Variants in ADAM10 observed in about 807,000 individuals in gnomAD.
ADAM10 encodes the protein ADAM metallopeptidase domain 10, also known as disintegrin and metalloproteinase domain-containing protein 10.
A neutral mutation model predicts 90.1 loss-of-function variants in ADAM10; 17 were observed. The ratio of observed to expected loss-of-function variants is 0.19; its 90% CI spans 0.13 to 0.28. The LOEUF (loss-of-function observed/expected upper bound fraction) is 0.28. Among genes scored for constraint, ADAM10 ranks in the 10% least tolerant of loss-of-function variants. ADAM10 has a pLI of 1.00. For missense variants in ADAM10, 610 were observed against 914.3 expected, an observed-to-expected ratio of 0.67 and a Z score of 4.29; for synonymous variants, 310 against 298.6, an observed-to-expected ratio of 1.04 and a Z score of -0.40.
At chr15:58,682,007 C>G (rs1897455156) in intron 3 of ADAM10, among the ~76,000 whole-genome samples, 189 bp downstream of exon 3, 2 of 152,114 alleles carry the variant, frequency 1.3e-5, no homozygotes, top group Admixed American at 1.3e-4. Context: ...TCATAATTCA[C>G]TATTAAACAT....
chr15:58,717,441 A>G, intron 2 of ADAM10, 136 bp downstream of exon 2: 2 of 1,085,614 alleles, frequency 1.8e-6, no homozygotes, highest in Non-Finnish European at 2.7e-6. Context: ...TAATGCATAT[A>G]CCAAATTCCA....
intron 1 of ADAM10, among the ~76,000 whole-genome samples, chr15:58,730,539 T>G (rs1220881792): frequency 6.6e-6 from 1 of 152,240 alleles, no homozygotes; most frequent in Non-Finnish European, 1.5e-5. Flanking sequence ...GGTAAGTCAC[T>G]TAAACACTTA....
In ADAM10 at chr15:58,651,368, T is replaced by G. The variant is rs538336474; in HGVS notation, c.586-5164A>C. Among the ~76,000 whole-genome samples, 80 of 152,290 alleles carry G rather than the reference T, an allele frequency of 5.3e-4. 3 individuals carry two copies. In the Middle Eastern group the frequency reaches 0.014, roughly 26 times the overall value. ...CTTATTCATTCTTTCTAACATGTTT[T>G]TGTGCCCGTTAACCATCCCCACTTC... is the stretch of plus-strand genomic sequence containing the variant. On this transcript the variant is annotated intron_variant, in intron 5 of 15. Coordinates refer to ENST00000260408, the MANE Select transcript of ADAM10 (RefSeq NM_001110.4).
chr15:58,596,011 G>A lies in ADAM10; in HGVS notation c.*1536C>T, dbSNP rs949772298. ...TACAAGTTTACAAGGAAGAGATCCC[G>A]TTATTTTCTCTAGCATTTTTGGCCT... is the stretch of plus-strand genomic sequence containing the variant. On this transcript the variant is annotated 3_prime_UTR_variant, in exon 16 of 16. Transcript: ENST00000260408. 4.0e-5 allele frequency: 6 copies of A among 150,660 alleles called. No individual in the cohort carries two copies. Among genetic ancestry groups the A allele is most frequent in the South Asian group, 4.2e-4 (2 of 4,788 alleles). The allele number at this position is 150,660 out of a possible 1,614,324, so 9.3% of individuals were successfully genotyped here. A position where few individuals can be genotyped will look rare whatever the true frequency, so the allele number is the denominator to read the frequency against.
At position 58,678,910 on chromosome 15, in the gene ADAM10, A is replaced by G. The variant is rs529252567; in HGVS notation, c.484+214T>C. On this transcript the variant is annotated intron_variant, in intron 4 of 15. Coordinates refer to ENST00000260408, the MANE Select transcript of ADAM10 (RefSeq NM_001110.4). ...CAGTTCAAACAGAATTAGTTATGTC[A>G]TATCAGCAAAGTAGTACTGGCAATG... Among the ~76,000 whole-genome samples the G allele has an allele frequency of 5.9e-5, 9 of 152,332 alleles. No individual in the cohort carries two copies. In the South Asian group the frequency reaches 1.7e-3, roughly 28 times the overall value.
chr15:58,735,282 T>G lies in ADAM10; in HGVS notation c.55+14198A>C, dbSNP rs571835490. Among the ~76,000 whole-genome samples, 13 of 152,296 alleles carry G rather than the reference T, an allele frequency of 8.5e-5. No individual in the cohort carries two copies. In the East Asian group the frequency reaches 2.3e-3, roughly 27 times the overall value. ...CTGATCCTTACTACTTGCTAGACTC[T>G]CCCAGTCCAGGTTCTTTCATCACTA... On this transcript the variant is annotated intron_variant, in intron 1 of 15. Transcript: ENST00000260408.
At chr15:58,607,396 G>A (rs1895307978) in intron 14 of ADAM10, among the ~76,000 whole-genome samples, 1 of 152,224 alleles carries the variant, frequency 6.6e-6, no homozygotes, top group Non-Finnish European at 1.5e-5. Context: ...CTAGGGTTAG[G>A]TAAGTTTGGA....
At chr15:58,747,702 C>G (rs1899836317) in intron 1 of ADAM10, 1 of 151,994 alleles carries the variant, frequency 6.6e-6, no homozygotes, top group South Asian at 2.1e-4. Flanking sequence ...AAAAATTAGC[C>G]TTTTAACCAA....
chr15:58,713,456 G>A (rs1345583395), intron 2 of ADAM10, among the ~76,000 whole-genome samples: 17 of 152,136 alleles, frequency 1.1e-4, no homozygotes, highest in African/African-American at 2.9e-4. Context: ...TCAAAAAGAT[G>A]AGTAAGATTC....
At chr15:58,602,408 T>C (rs1895135822) in intron 14 of ADAM10, among the ~76,000 whole-genome samples, 1 of 152,106 alleles carries the variant, frequency 6.6e-6, no homozygotes, top group Non-Finnish European at 1.5e-5. Flanking sequence ...CTCACCCTGC[T>C]TGGGCTCTGA....
At chr15:58,686,465 T>G in intron 2 of ADAM10, 1 of 1,395,642 alleles carries the variant, frequency 7.2e-7, no homozygotes, top group South Asian at 1.2e-5. Flanking sequence ...GCAGCTCAAG[T>G]TGGAGGCTGG....
At chr15:58,741,995 G>A (rs984687922) in intron 1 of ADAM10, among the ~76,000 whole-genome samples, 3 of 152,028 alleles carry the variant, frequency 2.0e-5, no homozygotes, top group East Asian at 3.9e-4. Context: ...AGCCTTCCCC[G>A]CTTGCTGATG....
intron 2 of ADAM10, among the ~76,000 whole-genome samples, chr15:58,687,660 T>TA (rs34341594): frequency 1.8e-4 from 27 of 149,938 alleles, no homozygotes; most frequent in East Asian, 5.9e-4. Flanking sequence ...CCATACTTTT[T>TA]AAAAAAAAAA....
At chr15:58,738,041 A>C (rs1263078671) in intron 1 of ADAM10, among the ~76,000 whole-genome samples, 1 of 152,098 alleles carries the variant, frequency 6.6e-6, no homozygotes, top group East Asian at 1.9e-4. Context: ...TTACAGAAAA[A>C]CTCAATTACA....
chr15:58,622,796 C>T (rs868008159), intron 10 of ADAM10, among the ~76,000 whole-genome samples: 1 of 152,164 alleles, frequency 6.6e-6, no homozygotes, highest in Non-Finnish European at 1.5e-5. Flanking sequence ...AAATGCTCCT[C>T]TTTGTAAGAT....
intron 14 of ADAM10, among the ~76,000 whole-genome samples, chr15:58,602,046 G>A (rs1351646219): frequency 2.0e-5 from 3 of 152,140 alleles, no homozygotes; most frequent in Non-Finnish European, 4.4e-5. Context: ...TGTAGACAAT[G>A]AAAATTTTGT....
chr15:58,651,345 T>C (rs1474283264), intron 5 of ADAM10, among the ~76,000 whole-genome samples: 1 of 152,106 alleles, frequency 6.6e-6, no homozygotes, highest in African/African-American at 2.4e-5. Flanking sequence ...TACTAGGTCT[T>C]ATTCATTCTT....
At chr15:58,674,856 C>G (rs1897275486) in intron 4 of ADAM10, among the ~76,000 whole-genome samples, 1 of 152,206 alleles carries the variant, frequency 6.6e-6, no homozygotes, top group Non-Finnish European at 1.5e-5. Flanking sequence ...GTATGGCTAA[C>G]ACACATTCTA....
chr15:58,597,628 C>T lies in ADAM10; in HGVS notation c.2166G>A (p.Arg722=). The change falls in exon 16 of 16, where the codon AGG becomes AGA. Residue 722 remains arginine, a synonymous_variant. Transcript: ENST00000260408. ...GCTGAATGGGCTGTGGAGGTCTCCT[C>T]CTCTTTAAAGTGCCTGTGAGCCACA... is the stretch of plus-strand genomic sequence containing the variant. The part of the protein sequence containing the change: ...PPKPLPGTLK[R]RRPPQPIQQP... 1 of 1,613,940 alleles carries T rather than the reference C, an allele frequency of 6.2e-7. No individual in the cohort carries two copies. The highest frequency in any genetic ancestry group is 8.5e-7 in the Non-Finnish European group (1 of 1,179,978).
Sources: gnomAD v4.1 joint callset for allele counts (sites outside exome capture counted in the v4.1 genomes callset) on GRCh38, gnomAD v4.1.1 for gene constraint, MANE v1.5 for transcripts, NCBI Gene and HGNC (gene_info 2026-07-23, HGNC 2026-07-21) for gene names.